ELP4: variants seen among roughly 807,000 people sequenced by gnomAD.
The protein encoded by ELP4 is elongator complex protein 4.
Under a neutral mutation model 48.9 loss-of-function variants are expected in ELP4, and 51 were observed. The ratio of observed to expected loss-of-function variants is 1.04; its 90% CI spans 0.83 to 1.32. The LOEUF is 1.32. Ranked by LOEUF, ELP4 falls within the 40% of genes most tolerant of loss-of-function variation. The probability of loss-of-function intolerance (pLI) is 0.00; values close to 1 mark genes in which losing one functional copy is unlikely to be tolerated. For missense variants in ELP4, 519 were observed against 514.6 expected, an observed-to-expected ratio of 1.01 and a Z score of -0.08; for synonymous variants, 210 against 189.2, an observed-to-expected ratio of 1.11 and a Z score of -0.90.
chr11:31,578,470 C>T (rs777671011), intron 3 of ELP4, among the ~76,000 whole-genome samples: 21 of 152,192 alleles, frequency 1.4e-4, no homozygotes, highest in Non-Finnish European at 2.8e-4. Flanking sequence ...AAAAAAGAGC[C>T]TGCTTTGCCA....
chr11:31,531,676 A>G (rs1028339451), intron 2 of ELP4, among the ~76,000 whole-genome samples: 1 of 152,208 alleles, frequency 6.6e-6, no homozygotes, highest in Admixed American at 6.5e-5. Flanking sequence ...AGGCAATACA[A>G]CATTTAAAGA....
chr11:31,711,661 G>A (rs920540599), intron 9 of ELP4, among the ~76,000 whole-genome samples: 2 of 151,974 alleles, frequency 1.3e-5, no homozygotes, highest in African/African-American at 4.8e-5. Flanking sequence ...AGATAAATAT[G>A]TACCTCTGCA....
intron 2 of ELP4, among the ~76,000 whole-genome samples, chr11:31,522,394 A>G (rs1956228661): frequency 1.3e-5 from 2 of 152,222 alleles, no homozygotes; most frequent in African/African-American, 4.8e-5. Context: ...TGTAAGTAAT[A>G]TACATGGGAA....
intron 5 of ELP4, among the ~76,000 whole-genome samples, chr11:31,624,393 T>C (rs1288349646): frequency 1.3e-5 from 2 of 151,726 alleles, no homozygotes; most frequent in Non-Finnish European, 3.0e-5. Context: ...AATACAAGTA[T>C]TTGTGTTTCT....
chr11:31,758,507 C>T (rs1442384466), intron 9 of ELP4, among the ~76,000 whole-genome samples: 3 of 152,126 alleles, frequency 2.0e-5, no homozygotes, highest in Admixed American at 6.5e-5. Context: ...TGACCATGGA[C>T]GTTGTCAACC....
intron 3 of ELP4, among the ~76,000 whole-genome samples, chr11:31,562,411 C>T (rs1957037414): frequency 6.6e-6 from 1 of 152,092 alleles, no homozygotes; most frequent in African/African-American, 2.4e-5. Flanking sequence ...ATCTAGTCTT[C>T]TCAATACATT....
Position 31,752,695 on chromosome 11 carries a change from A to G in ELP4, c.1144-30698A>G, listed in dbSNP as rs371978080. Reference sequence around the variant, plus strand: ...TAAAAATACAAAAAATTAGCCGGGCATGGTGGTGGGCGCCTGTAGTCCCAG... The same window carrying G: ...TAAAAATACAAAAAATTAGCCGGGCGTGGTGGTGGGCGCCTGTAGTCCCAG... On this transcript the variant is annotated intron_variant, in intron 9 of 9. Coordinates refer to ENST00000640961, the MANE Select transcript of ELP4 (RefSeq NM_019040.5). Among the ~76,000 whole-genome samples, 41 of 152,004 alleles carry G rather than the reference A, an allele frequency of 2.7e-4. No homozygotes were observed. The East Asian group carries it at 6.4e-3, about 24-fold the overall frequency.
chr11:31,742,177 G>A (rs575621213), intron 9 of ELP4, among the ~76,000 whole-genome samples: 2 of 152,150 alleles, frequency 1.3e-5, no homozygotes, highest in Admixed American at 6.5e-5. Context: ...GAAATGAAGC[G>A]AGAAGAAAAG....
intron 9 of ELP4, among the ~76,000 whole-genome samples, chr11:31,745,453 A>G (rs569781558): frequency 5.2e-4 from 79 of 152,324 alleles, no homozygotes; most frequent in Middle Eastern, 3.4e-3. Context: ...AGCCAAAAGA[A>G]CAAAGCTGGA....
chr11:31,692,367 A>G (rs1412643813), intron 9 of ELP4, among the ~76,000 whole-genome samples: 1 of 152,326 alleles, frequency 6.6e-6, no homozygotes, highest in African/African-American at 2.4e-5. Flanking sequence ...GCTATGATCT[A>G]GAATCTAAAA....
At chr11:31,717,503 C>T (rs1946865714) in intron 9 of ELP4, among the ~76,000 whole-genome samples, 1 of 152,138 alleles carries the variant, frequency 6.6e-6, no homozygotes, top group Non-Finnish European at 1.5e-5. Flanking sequence ...CGCCTGTAAT[C>T]CCAGCACTTT....
At chr11:31,722,589 G>A (rs1290470115) in intron 9 of ELP4, among the ~76,000 whole-genome samples, 3 of 152,056 alleles carry the variant, frequency 2.0e-5, no homozygotes, top group African/African-American at 7.2e-5. Flanking sequence ...TGTGGGTCCT[G>A]TGGTTCAAAA....
At chr11:31,615,411 C>T (rs953329480) in intron 5 of ELP4, among the ~76,000 whole-genome samples, 9 of 151,978 alleles carry the variant, frequency 5.9e-5, no homozygotes, top group Non-Finnish European at 1.2e-4. Context: ...TAGCACTTAG[C>T]ATACAGTAGC....
At chr11:31,694,769 A>G (rs1946363307) in intron 9 of ELP4, among the ~76,000 whole-genome samples, 1 of 152,096 alleles carries the variant, frequency 6.6e-6, no homozygotes, top group African/African-American at 2.4e-5. Context: ...CATTTTCACG[A>G]TATTGATTCT....
At position 31,681,455 on chromosome 11, in the gene ELP4, C is replaced by T. The variant is rs573237479; in HGVS notation, c.1143+31234C>T. Among the ~76,000 whole-genome samples, 5 of 152,180 alleles carry T rather than the reference C, an allele frequency of 3.3e-5. No individual in the cohort carries two copies. The East Asian group carries it at 9.7e-4, about 29-fold the overall frequency. ...GCAAATAAATAAAACACCATTTTTCCACCAGAAAAGTGAATACAGTTGTAG... is the reference window on the plus strand; with the variant it reads ...GCAAATAAATAAAACACCATTTTTCTACCAGAAAAGTGAATACAGTTGTAG... On this transcript the variant is annotated intron_variant, in intron 9 of 9. Transcript: ENST00000640961.
At chr11:31,586,801 C>G (rs1957482086) in intron 3 of ELP4, among the ~76,000 whole-genome samples, 1 of 152,018 alleles carries the variant, frequency 6.6e-6, no homozygotes, top group South Asian at 2.1e-4. Context: ...GGCCACCACG[C>G]CCGGCTAATT....
chr11:31,596,130 T>C (rs6484510), intron 4 of ELP4, among the ~76,000 whole-genome samples: 97,225 of 152,104 alleles, frequency 0.64, 33,389 homozygotes, highest in Non-Finnish European at 0.76. Context: ...CTGGGTTGGG[T>C]GCAGTGGCTC....
At chr11:31,649,470 A>G (rs1945275442) in intron 8 of ELP4, 2 of 151,696 alleles carry the variant, frequency 1.3e-5, no homozygotes, top group African/African-American at 4.8e-5. Context: ...AAGTGTTTCT[A>G]CTGACAAGAG....
intron 3 of ELP4, among the ~76,000 whole-genome samples, chr11:31,543,865 A>C (rs1956639167): frequency 3.3e-5 from 5 of 152,208 alleles, no homozygotes; most frequent in Admixed American, 3.3e-4. Flanking sequence ...TTTACAATTT[A>C]AAAAGGTGGT....
Sources: gnomAD v4.1 joint callset for allele counts (sites outside exome capture counted in the v4.1 genomes callset) on GRCh38, gnomAD v4.1.1 for gene constraint, MANE v1.5 for transcripts, NCBI Gene and HGNC (gene_info 2026-07-23, HGNC 2026-07-21) for gene names.